The following DMD variants were observed in gnomAD, a reference collection of about 807,000 sequenced individuals.
The protein encoded by DMD is mutant dystrophin.
A neutral mutation model predicts 330.1 loss-of-function variants in DMD; 63 were observed. The ratio of observed to expected loss-of-function variants is 0.19; its 90% CI spans 0.16 to 0.24. DMD has a LOEUF of 0.24. DMD is among the 10% of genes least tolerant of loss of function. The pLI is 1.00. For missense variants in DMD, 3,344 were observed against 2,684.1 expected (o/e 1.25, Z -5.43); for synonymous variants, 1,223 against 959.8 (o/e 1.27, Z -5.07).
intron 55 of DMD, among the ~76,000 whole-genome samples, chrX:31,530,313 A>G (rs772826850): frequency 8.9e-6 from 1 of 112,103 alleles, no homozygotes; most frequent in South Asian, 3.7e-4. Context: ...GAGAACTTCA[A>G]AGAGATATGG....
At chrX:33,153,248 T>TA (rs2048359768) in intron 1 of DMD, among the ~76,000 whole-genome samples, 1 of 112,387 alleles carries the variant, frequency 8.9e-6, no homozygotes, top group Non-Finnish European at 1.9e-5. Flanking sequence ...CCGTTTCTAT[T>TA]AAAAATACAA....
chrX:32,005,943 T>G (rs1044511401), intron 44 of DMD, among the ~76,000 whole-genome samples: 4 of 111,557 alleles, frequency 3.6e-5, no homozygotes, highest in Middle Eastern at 4.6e-3. Flanking sequence ...AGCACTTTAA[T>G]GAAGTGGTGG....
intron 43 of DMD, among the ~76,000 whole-genome samples, chrX:32,235,463 A>G (rs1332212239): frequency 1.8e-5 from 2 of 111,282 alleles, no homozygotes; most frequent in Non-Finnish European, 3.8e-5. Context: ...CTAACAGGCA[A>G]CGGATTGGTA....
intron 44 of DMD, among the ~76,000 whole-genome samples, chrX:32,051,863 C>G (rs2096118266): frequency 9.0e-6 from 1 of 111,168 alleles, no homozygotes; most frequent in Non-Finnish European, 1.9e-5. Context: ...CCACCACAAG[C>G]AAACCCTAAG....
chrX:32,594,794 G>T (rs1368865108), intron 13 of DMD, among the ~76,000 whole-genome samples: 2 of 111,556 alleles, frequency 1.8e-5, no homozygotes, highest in Non-Finnish European at 3.8e-5. Flanking sequence ...CACTTGCAAA[G>T]AACCTAAGAA....
chrX:31,476,704 C>G (rs1643285767), intron 59 of DMD, among the ~76,000 whole-genome samples: 2 of 110,661 alleles, frequency 1.8e-5, no homozygotes, highest in African/African-American at 6.6e-5. Flanking sequence ...GGAACATCAG[C>G]AAAGAAACCA....
intron 2 of DMD, among the ~76,000 whole-genome samples, chrX:32,978,141 G>A (rs1291610204): frequency 9.0e-6 from 1 of 111,510 alleles, no homozygotes; most frequent in African/African-American, 3.3e-5. Context: ...TTCATGAACT[G>A]GGCGGACTGC....
At chrX:31,875,473 C>T (rs1201363672) in intron 47 of DMD, 100 bp from the exon 48 acceptor site, 4 of 636,327 alleles carry the variant, frequency 6.3e-6, no homozygotes, top group Non-Finnish European at 7.3e-6. Flanking sequence ...TGAAATATTA[C>T]AGAATCTTAC....
At chrX:32,586,294 T>A (rs1451448018) in intron 13 of DMD, among the ~76,000 whole-genome samples, 1 of 109,739 alleles carries the variant, frequency 9.1e-6, no homozygotes, top group African/African-American at 3.3e-5. Context: ...TATATACTAA[T>A]GCAATCGAGT....
chrX:32,560,160 A>C (rs1390438073), intron 16 of DMD, among the ~76,000 whole-genome samples: 4 of 104,018 alleles, frequency 3.8e-5, no homozygotes, highest in African/African-American at 1.3e-4. Context: ...AAAATCCACA[A>C]AACTACAAAA....
chrX:32,077,604 C>T lies in DMD; in HGVS notation c.6439-109090G>A, dbSNP rs1270885690. On this transcript the variant is annotated intron_variant, in intron 44 of 78. Coordinates refer to ENST00000357033, the MANE Select transcript of DMD (RefSeq NM_004006.3). ...ACCATCCTTGAGTCTATTATTTATC[C>T]TCACTGTCTCAGCTTGCTGTGCCCC... Among the ~76,000 whole-genome samples, 16 of 111,032 alleles carry T rather than the reference C, an allele frequency of 1.4e-4. No individual in the cohort carries two copies. The Admixed American group carries it at 1.5e-3, about 11-fold the overall frequency.
chrX:31,592,407 A>C (rs2076921012), intron 55 of DMD, among the ~76,000 whole-genome samples: 1 of 102,313 alleles, frequency 9.8e-6, no homozygotes, highest in Non-Finnish European at 2.0e-5. Context: ...TATATATGGC[A>C]CATAGAAATA....
chrX:32,506,267 T>A (rs1183624606), intron 18 of DMD, among the ~76,000 whole-genome samples: 2 of 110,598 alleles, frequency 1.8e-5, no homozygotes, highest in Non-Finnish European at 3.8e-5. Flanking sequence ...AGGCTATGTA[T>A]CTGTGGGAGC....
chrX:32,984,024 G>GT (rs1454163440), intron 2 of DMD, among the ~76,000 whole-genome samples: 1 of 110,630 alleles, frequency 9.0e-6, no homozygotes. Context: ...GTCCTTTACC[G>GT]TTTTTTTTAA....
chrX:32,411,772 G>T lies in DMD; in HGVS notation c.4213C>A (p.Gln1405Lys). 1 of 1,211,409 alleles carries T rather than the reference G, an allele frequency of 8.3e-7. No individual in the cohort carries two copies. The highest frequency in any genetic ancestry group is 1.1e-6 in the Non-Finnish European group (1 of 895,350). ...AYIADKVDAA[Q>K]MPQEAQKIQS... ...CTTGCCTGGGCTTCCTGAGGCATTT[G>T]AGCTGCGTCCACCTTGTCTGCAATA... The change falls in exon 30 of 79, where the codon CAA becomes AAA. Residue 1405 changes from glutamine to lysine, a missense_variant. Transcript: ENST00000357033.
At chrX:32,016,069 A>T (rs1275288772) in intron 44 of DMD, among the ~76,000 whole-genome samples, 2 of 111,592 alleles carry the variant, frequency 1.8e-5, no homozygotes, top group East Asian at 5.7e-4. Flanking sequence ...GCCATGGAAG[A>T]TATGTTGTGA....
rs763661264 is a variant in DMD, at chrX:32,034,332, T to C, written c.6439-65818A>G. ...AAAAGAACAGGTAAAATTTGTTACA[T>C]TGATCACATTTTCTAAATTAATTAT... On this transcript the variant is annotated intron_variant, in intron 44 of 78. Coordinates refer to ENST00000357033, the MANE Select transcript of DMD (RefSeq NM_004006.3). Among the ~76,000 whole-genome samples, 8 of 112,083 alleles carry C rather than the reference T, an allele frequency of 7.1e-5. No individual in the cohort carries two copies. In the South Asian group the frequency reaches 1.5e-3, roughly 21 times the overall value.
chrX:31,871,986 T>C (rs1248594868), intron 48 of DMD, among the ~76,000 whole-genome samples: 1 of 108,588 alleles, frequency 9.2e-6, no homozygotes, highest in Non-Finnish European at 1.9e-5. Context: ...ACAAGGTAAA[T>C]TATTATTCAC....
intron 47 of DMD, among the ~76,000 whole-genome samples, chrX:31,892,452 C>T (rs2094269225): frequency 9.1e-6 from 1 of 109,651 alleles, no homozygotes; most frequent in Non-Finnish European, 1.9e-5. Context: ...ATATTGGATT[C>T]CGAAGGCATA....
Sources: allele counts gnomAD v4.1 joint callset (sites outside exome capture counted in the v4.1 genomes callset), GRCh38; gene constraint gnomAD v4.1.1; transcripts MANE v1.5; gene names NCBI Gene and HGNC (gene_info 2026-07-23, HGNC 2026-07-21).